The following NAV3 variants were observed in gnomAD, a reference collection of about 807,000 sequenced individuals.
NAV3 encodes neuron navigator 3, also known as pore membrane and/or filament interacting like protein 1.
In NAV3, 87 loss-of-function variants were observed where a neutral mutation model predicts 244.7. The ratio of observed to expected loss-of-function variants is 0.36; its 90% confidence interval spans 0.30 to 0.42. The LOEUF (loss-of-function observed/expected upper bound fraction) is 0.42, where lower values mean the gene tolerates loss of function less well. Among genes scored for constraint, NAV3 ranks in the 20% least tolerant of loss-of-function variants. NAV3 has a pLI of 1.00. For synonymous variants in NAV3, 1,126 were observed against 1,042.2 expected (o/e 1.08, Z -1.55); for missense variants, 2,663 against 2,893.3 (o/e 0.92, Z 1.83).
intron 2 of NAV3, among the ~76,000 whole-genome samples, chr12:77,793,974 A>G (rs1477404096): frequency 1.3e-5 from 2 of 152,158 alleles, no homozygotes; most frequent in Non-Finnish European, 2.9e-5. Context: ...CCACAGCCTC[A>G]CCAGCATCTG....
chr12:77,576,654 T>A (rs2136659950), intron 2 of NAV3, among the ~76,000 whole-genome samples: 1 of 152,266 alleles, frequency 6.6e-6, no homozygotes, highest in Middle Eastern at 3.4e-3. Context: ...AGTCAAAAAG[T>A]GTTCTTCAGA....
chr12:77,994,939 CCTAT>C, intron 6 of NAV3, 68 bp downstream of exon 6: 1 of 1,195,058 alleles, frequency 8.4e-7, no homozygotes, highest in Non-Finnish European at 1.2e-6. Context: ...GATATTTTGT[CCTAT>C]CTTTTTTTTT....
intron 2 of NAV3, among the ~76,000 whole-genome samples, chr12:77,727,811 G>C (rs1235167864): frequency 6.6e-6 from 1 of 151,920 alleles, no homozygotes; most frequent in Non-Finnish European, 1.5e-5. Context: ...AATTGTGCTA[G>C]AATTCAAGCC....
intron 2 of NAV3, among the ~76,000 whole-genome samples, chr12:77,636,415 A>G (rs1040272598): frequency 1.3e-5 from 2 of 150,078 alleles, no homozygotes; most frequent in Admixed American, 6.7e-5. Context: ...CAGTGAGCCG[A>G]GATTGCACCA....
intron 1 of NAV3, among the ~76,000 whole-genome samples, chr12:77,920,446 G>T (rs1334638102): frequency 6.6e-6 from 1 of 151,744 alleles, no homozygotes; most frequent in African/African-American, 2.4e-5. Context: ...ACAACAAAAA[G>T]CCCCAAAACT....
chr12:77,602,995 C>T (rs1870507942), intron 2 of NAV3, among the ~76,000 whole-genome samples: 1 of 152,020 alleles, frequency 6.6e-6, no homozygotes, highest in Admixed American at 6.6e-5. Flanking sequence ...CATCTCTAAA[C>T]ACAGCCAACC....
Position 78,070,726 on chromosome 12 carries a change from C to G in NAV3, c.2636+11611C>G, listed in dbSNP as rs7314369. ...CCTCCCCCCACCCCACAACAGTCCC[C>G]AGAGTGTGATATTCCCCTTCCTGTG... is the stretch of plus-strand genomic sequence containing the variant. On this transcript the variant is annotated intron_variant, in intron 12 of 39. Transcript: ENST00000397909. Among the ~76,000 whole-genome samples the G allele has an allele frequency of 3.4e-3, 470 of 140,290 alleles. 1 individual carries two copies. Among genetic ancestry groups the G allele is most frequent in the African/African-American group, 0.012 (454 of 37,544 alleles). 92.0% of individuals were successfully genotyped at this position (140,290 alleles called of 152,430 possible).
chr12:77,729,488 A>G (rs781031946), intron 2 of NAV3, among the ~76,000 whole-genome samples: 1 of 152,020 alleles, frequency 6.6e-6, no homozygotes, highest in Admixed American at 6.6e-5. Flanking sequence ...AGAAAAAGGC[A>G]TGGGAAAAGG....
At position 77,824,237 on chromosome 12, in the gene NAV3, C is replaced by A. The variant is rs1430750405; in HGVS notation, c.73-116082C>A. 1.4e-3 allele frequency among the ~76,000 whole-genome samples: 183 copies of A among 132,586 alleles called. 1 individual carries two copies. The highest frequency in any genetic ancestry group is 5.1e-3 in the African/African-American group (176 of 34,348). The allele number at this position is 132,586 out of a possible 152,430, so 87.0% of individuals were successfully genotyped here. ...TGCAGGCGCATGCCACCACGCCCAA[C>A]TAAATTTTTTTTTTTTTTTTTTTTT... On this transcript the variant is annotated intron_variant, in intron 2 of 8. Transcript: ENST00000550042.
intron 5 of NAV3, among the ~76,000 whole-genome samples, chr12:77,985,143 G>A (rs1410629270): frequency 6.6e-6 from 1 of 152,114 alleles, no homozygotes; most frequent in Non-Finnish European, 1.5e-5. Context: ...ATATTAGTTA[G>A]TATACATGGT....
chr12:77,999,913 G>C (rs1268016631), intron 7 of NAV3, among the ~76,000 whole-genome samples: 1 of 152,058 alleles, frequency 6.6e-6, no homozygotes, highest in Non-Finnish European at 1.5e-5. Context: ...AAATAAAGAT[G>C]TGTTAAATAG....
At chr12:77,711,986 A>G (rs1592607431) in intron 2 of NAV3, among the ~76,000 whole-genome samples, 2 of 152,034 alleles carry the variant, frequency 1.3e-5, no homozygotes, top group Admixed American at 1.3e-4. Context: ...AAAACCCACA[A>G]CTTCATAAAA....
In NAV3 at chr12:77,786,525, T is replaced by A. The variant is rs561922825; in HGVS notation, c.73-153794T>A. Among the ~76,000 whole-genome samples the A allele has an allele frequency of 3.9e-5, 6 of 152,292 alleles. No homozygotes were observed. In the East Asian group the frequency reaches 1.2e-3, roughly 29 times the overall value. ...TCAAGGTAAAGTGAGCCAAATAAAA[T>A]ATTTTTGTTCATTTGGGCAGCATGT... On this transcript the variant is annotated intron_variant, in intron 2 of 8. Transcript: ENST00000550042.
chr12:77,817,371 G>T (rs1872564948), intron 2 of NAV3, among the ~76,000 whole-genome samples: 1 of 152,118 alleles, frequency 6.6e-6, no homozygotes, highest in African/African-American at 2.4e-5. Flanking sequence ...CTTTGCCAGA[G>T]ATGCTTTGTT....
chr12:78,006,465 G>C lies in NAV3; in HGVS notation c.927G>C (p.Val309=), dbSNP rs2136555281. ...PQSSSGVNGN[V]QPPSTAGQPP... ...CGTCTTCAGGTGTAAATGGTAACGT[G>C]CAGCCTCCCAGTACTGCTGGGCAGC... The change falls in exon 8 of 40, where the codon GTG becomes GTC. Residue 309 remains valine (V), a synonymous_variant. Transcript: ENST00000397909. The C allele has an allele frequency of 6.2e-7, 1 of 1,614,052 alleles. No homozygotes were observed.
In NAV3 at chr12:77,689,589, A is replaced by G. The variant is rs867552696; in HGVS notation, c.72+117323A>G. The stretch of plus-strand genomic sequence containing the variant: ...ACCTTAGCAACTGTTGCAGTGCACT[A>G]TACTTAGATGTTTTTCTCTGAAAGC... On this transcript the variant is annotated intron_variant, in intron 2 of 8. Coordinates refer to the NAV3 transcript ENST00000550042. Among the ~76,000 whole-genome samples the G allele has an allele frequency of 2.6e-5, 4 of 151,978 alleles. 1 individual carries two copies. The South Asian group carries it at 6.2e-4, about 24-fold the overall frequency.
Position 78,188,841 on chromosome 12 carries a change from C to A in NAV3, c.6055+64C>A, listed in dbSNP as rs956173112. The A allele has an allele frequency of 1.5e-5, 22 of 1,504,142 alleles. No homozygotes were observed. The East Asian group carries it at 5.0e-4, about 34-fold the overall frequency. The allele number at this position is 1,504,142 out of a possible 1,614,324, so 93.2% of individuals were successfully genotyped here. ...TTTAGCAACATTTTATTCTGCCCCC[C>A]GCCCCTTTTTGGCCAGTTTCCCTTA... On this transcript the variant is annotated intron_variant, in intron 33 of 39. Coordinates refer to ENST00000397909, the MANE Select transcript of NAV3 (RefSeq NM_001024383.2).
At chr12:78,132,680 C>T (rs533445663) in intron 18 of NAV3, among the ~76,000 whole-genome samples, 1 of 152,026 alleles carries the variant, frequency 6.6e-6, no homozygotes, top group East Asian at 1.9e-4. Flanking sequence ...TTCCTGTAGA[C>T]TTTTTTTTAT....
chr12:77,704,973 A>G (rs1040279733), intron 2 of NAV3, among the ~76,000 whole-genome samples: 1 of 152,218 alleles, frequency 6.6e-6, no homozygotes, highest in African/African-American at 2.4e-5. Context: ...ACTCTGTGTT[A>G]TAGGAAATAG....
Sources: allele counts gnomAD v4.1 joint callset (sites outside exome capture counted in the v4.1 genomes callset), GRCh38; gene constraint gnomAD v4.1.1; transcripts MANE v1.5; gene names NCBI Gene and HGNC (gene_info 2026-07-23, HGNC 2026-07-21).